The following ZNF197 variants were observed in gnomAD, a reference collection of about 807,000 sequenced individuals.
ZNF197 encodes the protein zinc finger protein 197.
ZNF197 carries 14 observed loss-of-function variants against 27.4 expected under a neutral mutation model. The ratio of observed to expected loss-of-function variants is 0.51; its 90% CI spans 0.34 to 0.80. The LOEUF (loss-of-function observed/expected upper bound fraction) is 0.80. Among genes scored for constraint, ZNF197 ranks in the 30% least tolerant of loss-of-function variants. The probability of loss-of-function intolerance (pLI) is 0.02; values close to 1 mark genes in which losing one functional copy is unlikely to be tolerated. For synonymous variants in ZNF197, 415 were observed against 420.0 expected (o/e 0.99, Z 0.15); for missense variants, 1,090 against 1,222.6 (o/e 0.89, Z 1.62).
In ZNF197 at chr3:44,640,208, T is replaced by G. The variant is rs1459735220; in HGVS notation, c.770-1692T>G. Among the ~76,000 whole-genome samples, 1 of 152,244 alleles carries G rather than the reference T, an allele frequency of 6.6e-6. No individual in the cohort carries two copies. On this transcript the variant is annotated intron_variant, in intron 5 of 5. Transcript: ENST00000344387. This position sits in a 1 kb window ranked among gnomAD's most constrained non-coding sequence, Gnocchi z 4.0. The stretch of plus-strand genomic sequence containing the variant: ...TAGTCTGATTCCTAAGCTAAAAATA[T>G]TAAATAGTTTAACCAGCTAATTAGC...
Position 44,644,922 on chromosome 3 carries a change from A to G in ZNF197, c.*702A>G. 1.0e-6 allele frequency: 1 copy of G among 984,772 alleles called. No homozygotes were observed. Among genetic ancestry groups the G allele is most frequent in the African/African-American group, 1.7e-5 (1 of 57,340 alleles). The allele number at this position is 984,772 out of a possible 1,614,324, so 61.0% of individuals were successfully genotyped here. A position where few individuals can be genotyped will look rare whatever the true frequency, so the allele number is the denominator to read the frequency against. Reference sequence around the variant, plus strand: ...ATAAAAAGTGGACATTGTTTTTTAAAATGTGTATAGTATGCATTTTAAAGA... The same window carrying G: ...ATAAAAAGTGGACATTGTTTTTTAAGATGTGTATAGTATGCATTTTAAAGA... On this transcript the variant is annotated 3_prime_UTR_variant, in exon 6 of 6. Transcript: ENST00000344387.
At position 44,644,015 on chromosome 3, in the gene ZNF197, AT is replaced by A; in HGVS notation, c.2887del (p.Cys963ValfsTer75). 1.2e-6 allele frequency: 2 copies of A among 1,614,100 alleles called. No individual in the cohort carries two copies. On this transcript the variant is annotated frameshift_variant, in exon 6 of 6. Transcript: ENST00000344387. LOFTEE classifies it low-confidence loss of function (END_TRUNC). ...HTGEKPYGCN[D>X]CSKVFRQRKN... is the part of the protein sequence containing the mutation. Reference sequence around the variant, plus strand: ...GGGGAGAAACCCTATGGGTGTAATGATTGTAGTAAAGTTTTTAGGCAAAGAA... The same window carrying A: ...GGGGAGAAACCCTATGGGTGTAATGATGTAGTAAAGTTTTTAGGCAAAGAA...
In ZNF197 at chr3:44,629,054, G is replaced by T; in HGVS notation, c.-81-20G>T. 6.7e-7 allele frequency: 1 copy of T among 1,497,460 alleles called. No individual in the cohort carries two copies. Among genetic ancestry groups the T allele is most frequent in the African/African-American group, 1.4e-5 (1 of 71,220 alleles). The allele number at this position is 1,497,460 out of a possible 1,614,324, so 92.8% of individuals were successfully genotyped here. ...GTTTCTCTGGGCTAACTTTAACAAT[G>T]ATTTCTTGAGGTCTTGTAGATGATA... On this transcript the variant is annotated intron_variant, in intron 1 of 5. Coordinates refer to ENST00000344387, the MANE Select transcript of ZNF197 (RefSeq NM_006991.5).
At position 44,632,383 on chromosome 3, in the gene ZNF197, C is replaced by CA. The variant is rs58601254; in HGVS notation, c.643-89dup. ...GATGTCTGTTATGCACTCATGGCCT[C>CA]ACAGTGTATCCCTTCCCCAGAAGTG... On this transcript the variant is annotated intron_variant, in intron 4 of 5. Coordinates refer to ENST00000344387, the MANE Select transcript of ZNF197 (RefSeq NM_006991.5). 7.6e-4 allele frequency: 1,156 copies of CA among 1,530,872 alleles called. 9 individuals carry two copies. In the African/African-American group the frequency reaches 0.015, roughly 19 times the overall value. The allele number at this position is 1,530,872 out of a possible 1,614,324, so 94.8% of individuals were successfully genotyped here. A position where few individuals can be genotyped will look rare whatever the true frequency, so the allele number is the denominator to read the frequency against.
intron 5 of ZNF197, among the ~76,000 whole-genome samples, chr3:44,636,162 G>A (rs984688136): frequency 1.2e-4 from 18 of 152,086 alleles, no homozygotes; most frequent in Admixed American, 2.0e-4. Context: ...AAAATTAGCC[G>A]GGTGTGGTGG....
Position 44,629,449 on chromosome 3 carries a change from C to T in ZNF197, c.295C>T (p.Arg99Trp), listed in dbSNP as rs748979009. 3.7e-6 allele frequency: 6 copies of T among 1,613,906 alleles called. No individual in the cohort carries two copies. Among genetic ancestry groups the T allele is most frequent in the Middle Eastern group, 1.7e-4 (1 of 6,058 alleles). Residue 99 changes from arginine to tryptophan, a missense_variant, in exon 2 of 6, where the codon CGG becomes TGG. Arg to Trp is a moderately radical substitution (Grantham distance 101). Transcript: ENST00000344387. ...TCTGAGCATCCTGCCTGGGGAGATTCGGACCTGGGTACAGCTCCATCACCC... is the reference window on the plus strand; with the variant it reads ...TCTGAGCATCCTGCCTGGGGAGATTTGGACCTGGGTACAGCTCCATCACCC... ...QFLSILPGEI[R>W]TWVQLHHPGS...
In ZNF197 at chr3:44,632,567, T is replaced by C; in HGVS notation, c.737T>C (p.Met246Thr). ...PIQRALYWDV[M>T]LENYGNVTSL... is the part of the protein sequence containing the mutation. ...CAGAGGGCCTTGTACTGGGATGTGA[T>C]GCTGGAGAATTATGGAAATGTGACC... is the stretch of plus-strand genomic sequence containing the variant. The change falls in exon 5 of 6, where the codon ATG becomes ACG. Residue 246 changes from methionine (M) to threonine (T), a missense_variant. Transcript: ENST00000344387. The C allele has an allele frequency of 3.8e-6, 6 of 1,593,468 alleles. No homozygotes were observed. The highest frequency in any genetic ancestry group is 5.1e-6 in the Non-Finnish European group (6 of 1,169,468).
In ZNF197 at chr3:44,645,035, G is replaced by A. The variant is rs1329882842; in HGVS notation, c.*815G>A. On this transcript the variant is annotated 3_prime_UTR_variant, in exon 6 of 6. Transcript: ENST00000344387. ...GGGCGGACAAGAGTCTGCTGATGAG[G>A]ACAACCTAAAAGAGCACTGGATTTG... 3.0e-6 allele frequency: 3 copies of A among 985,260 alleles called. No individual in the cohort carries two copies. Among genetic ancestry groups the A allele is most frequent in the Non-Finnish European group, 3.6e-6 (3 of 829,926 alleles). 61.0% of individuals were successfully genotyped at this position (985,260 alleles called of 1,614,324 possible).
intron 5 of ZNF197, among the ~76,000 whole-genome samples, chr3:44,637,938 T>C (rs1702390018): frequency 6.6e-6 from 1 of 152,232 alleles, no homozygotes; most frequent in Admixed American, 6.5e-5. Context: ...TTAGCTACTC[T>C]AGGTCTCTTG....
At chr3:44,626,959 A>G (rs1323986692) in intron 1 of ZNF197, among the ~76,000 whole-genome samples, 1 of 152,332 alleles carries the variant, frequency 6.6e-6, no homozygotes, top group East Asian at 1.9e-4. Flanking sequence ...TGAATAAATT[A>G]TGATACATCT....
rs556937748 is a variant in ZNF197, at chr3:44,645,844, C to A, written c.*1624C>A. 77 of 985,236 alleles carry A rather than the reference C, an allele frequency of 7.8e-5. No homozygotes were observed. Among genetic ancestry groups the A allele is most frequent in the East Asian group, 1.1e-4 (1 of 8,812 alleles). The allele number at this position is 985,236 out of a possible 1,614,324, so 61.0% of individuals were successfully genotyped here. On this transcript the variant is annotated 3_prime_UTR_variant, in exon 6 of 6. Transcript: ENST00000344387. ...ACTTGTGGGCAGTCAGTGCCCATTA[C>A]CCCCTGTGAACCATTCTGTGCCCTT...
rs150768696 is a variant in ZNF197 at position 44,640,643 on chromosome 3, G to A, written c.770-1257G>A. ...TCCGCCCTCCTCAGCCTCCCAGAGT[G>A]CTGGAATTACAGGCATGAGCCACCA... On this transcript the variant is annotated intron_variant, in intron 5 of 5. Coordinates refer to ENST00000344387, the MANE Select transcript of ZNF197 (RefSeq NM_006991.5). This position sits in a 1 kb window ranked among gnomAD's most constrained non-coding sequence, Gnocchi z 4.0. 9.2e-5 allele frequency among the ~76,000 whole-genome samples: 14 copies of A among 152,290 alleles called. No homozygotes were observed. The highest frequency in any genetic ancestry group is 1.5e-4 in the Non-Finnish European group (10 of 68,020).
In ZNF197 at chr3:44,644,152, C is replaced by G; in HGVS notation, c.3022C>G (p.His1008Asp). 6.2e-7 allele frequency: 1 copy of G among 1,613,638 alleles called. No individual in the cohort carries two copies. Among genetic ancestry groups the G allele is most frequent in the Non-Finnish European group, 8.5e-7 (1 of 1,179,886 alleles). The change falls in exon 6 of 6, where the codon CAT becomes GAT. Residue 1008 changes from histidine (H) to aspartate (D), a missense_variant. Physicochemically the swap from His to Asp is moderately conservative, Grantham distance 81 (BLOSUM62 -1). Transcript: ENST00000344387. ...CAACCTTCATCTTCAACAGAAAATC[C>G]ATACCATTGAGGAATTCTCTTGGCT... ...TSNLHLQQKIHTIEEFSWLQN... is the reference protein window; with the variant it reads ...TSNLHLQQKIDTIEEFSWLQN...
In ZNF197 at chr3:44,645,014, G is replaced by A. The variant is rs1041182787; in HGVS notation, c.*794G>A. On this transcript the variant is annotated 3_prime_UTR_variant, in exon 6 of 6. Transcript: ENST00000344387. ...CAGAATGTCAGGTGTGGAGTTGGGC[G>A]GACAAGAGTCTGCTGATGAGGACAA... 25 of 985,372 alleles carry A rather than the reference G, an allele frequency of 2.5e-5. No individual in the cohort carries two copies. Among genetic ancestry groups the A allele is most frequent in the Middle Eastern group, 1.0e-3 (2 of 1,914 alleles). The allele number at this position is 985,372 out of a possible 1,614,324, so 61.0% of individuals were successfully genotyped here.
chr3:44,640,383 C>T lies in ZNF197; in HGVS notation c.770-1517C>T, dbSNP rs961296211. On this transcript the variant is annotated intron_variant, in intron 5 of 5. Transcript: ENST00000344387. This position sits in a 1 kb window ranked among gnomAD's most constrained non-coding sequence, Gnocchi z 4.0. ...CTCTTTGTTTTTTGTTTGTTTTGTT[C>T]TTGTTTTGTTTTGAGATGGAGTCTT... 2.0e-5 allele frequency among the ~76,000 whole-genome samples: 3 copies of T among 151,834 alleles called. No individual in the cohort carries two copies. The highest frequency in any genetic ancestry group is 4.4e-5 in the Non-Finnish European group (3 of 67,928).
At position 44,646,826 on chromosome 3, in the gene ZNF197, G is replaced by A. The variant is rs535209600; in HGVS notation, c.*2606G>A. ...AAATGGCCAATTGATTTTTGACAGG[G>A]GCAAAAGCAATTCAATGGAGGAGGG... On this transcript the variant is annotated 3_prime_UTR_variant, in exon 6 of 6. Transcript: ENST00000344387. 2 of 325,186 alleles carry A rather than the reference G, an allele frequency of 6.2e-6. No individual in the cohort carries two copies. Among genetic ancestry groups the A allele is most frequent in the Non-Finnish European group, 1.1e-5 (2 of 175,454 alleles). 20.1% of individuals were successfully genotyped at this position (325,186 alleles called of 1,614,324 possible).
intron 1 of ZNF197, among the ~76,000 whole-genome samples, 179 bp downstream of exon 1, chr3:44,625,322 C>G (rs1701581171): frequency 6.6e-6 from 1 of 152,248 alleles, no homozygotes; most frequent in African/African-American, 2.4e-5. Context: ...GGCAGGCAGC[C>G]GGCCCGAGGG....
In ZNF197 at chr3:44,625,748, GCGCACACA is replaced by G. The variant is rs763457929; in HGVS notation, c.-82+607_-82+614del. Among the ~76,000 whole-genome samples, 528 of 90,884 alleles carry G rather than the reference GCGCACACA, an allele frequency of 5.8e-3. 6 individuals carry two copies. Among genetic ancestry groups the G allele is most frequent in the African/African-American group, 0.021 (482 of 23,264 alleles). The allele number at this position is 90,884 out of a possible 152,430, so 59.6% of individuals were successfully genotyped here. A position where few individuals can be genotyped will look rare whatever the true frequency, so the allele number is the denominator to read the frequency against. On this transcript the variant is annotated intron_variant, in intron 1 of 5. Transcript: ENST00000344387. The stretch of plus-strand genomic sequence containing the variant: ...TAAATGCTGGCCTTTGCGCGCGCGC[GCGCACACA>G]CACACACACACACACACACACACAC...
Position 44,646,617 on chromosome 3 carries a change from G to T in ZNF197, c.*2397G>T. On this transcript the variant is annotated 3_prime_UTR_variant, in exon 6 of 6. Transcript: ENST00000344387. The stretch of plus-strand genomic sequence containing the variant: ...TTCAAAATATTATTATGATGAAAAA[G>T]AGAGGGGAGTGAAAATTGTTCAAGC... 2.6e-6 allele frequency: 2 copies of T among 781,102 alleles called. No homozygotes were observed. The highest frequency in any genetic ancestry group is 2.6e-5 in the East Asian group (1 of 38,414). The allele number at this position is 781,102 out of a possible 1,614,324, so 48.4% of individuals were successfully genotyped here.
Sources: gnomAD v4.1 joint callset for allele counts (sites outside exome capture counted in the v4.1 genomes callset) on GRCh38, gnomAD v4.1.1 for gene constraint, Gnocchi (gnomAD v3.1) non-coding constraint, MANE v1.5 for transcripts, NCBI Gene and HGNC (gene_info 2026-07-23, HGNC 2026-07-21) for gene names.